BMPR1B: variants seen among roughly 807,000 people sequenced by gnomAD.
The protein encoded by BMPR1B is bone morphogenetic protein receptor type-1B.
Under a neutral mutation model 59.1 loss-of-function variants are expected in BMPR1B, and 12 were observed. The observed-to-expected ratio is 0.20, with a 90% CI of 0.13 to 0.33. BMPR1B has a LOEUF of 0.33. Ranked by LOEUF, BMPR1B falls within the 10% of genes least tolerant of loss-of-function variation. BMPR1B has a pLI of 1.00. For synonymous variants in BMPR1B, 237 were observed against 207.3 expected (o/e 1.14, Z -1.23); for missense variants, 550 against 610.9 (o/e 0.90, Z 1.05).
chr4:95,120,123 A>C (rs1732365985), intron 6 of BMPR1B, among the ~76,000 whole-genome samples: 1 of 152,118 alleles, frequency 6.6e-6, no homozygotes, highest in African/African-American at 2.4e-5. Context: ...TACAGTATTT[A>C]GTTTTCTGTT....
intron 1 of BMPR1B, among the ~76,000 whole-genome samples, chr4:94,817,664 A>G (rs372834131): frequency 7.4e-4 from 113 of 152,220 alleles, no homozygotes; most frequent in African/African-American, 2.6e-3. Flanking sequence ...GTTGCTAAGT[A>G]TATTTAAAAC....
intron 1 of BMPR1B, among the ~76,000 whole-genome samples, chr4:94,860,389 A>G (rs1484154132): frequency 6.6e-6 from 1 of 152,186 alleles, no homozygotes; most frequent in African/African-American, 2.4e-5. Flanking sequence ...AGAATCATGT[A>G]TACGTAATCT....
intron 1 of BMPR1B, among the ~76,000 whole-genome samples, chr4:94,813,105 G>A (rs910185541): frequency 2.0e-5 from 3 of 151,590 alleles, no homozygotes; most frequent in Non-Finnish European, 4.4e-5. Flanking sequence ...ACCTATGTAT[G>A]CTCAGAAATG....
chr4:94,908,093 A>AAAAG (rs141218243), intron 2 of BMPR1B, among the ~76,000 whole-genome samples: 16,922 of 114,508 alleles, frequency 0.15, 977 homozygotes, highest in African/African-American at 0.28. Flanking sequence ...AAAAAAAAGA[A>AAAAG]AAAACAAAAA....
chr4:95,148,999 G>A, intron 11 of BMPR1B, 76 bp downstream of exon 11: 1 of 1,549,472 alleles, frequency 6.5e-7, no homozygotes, highest in East Asian at 2.2e-5. Context: ...AGAAATCAAA[G>A]TTATCATACT....
At chr4:94,956,529 C>A (rs7673752) in intron 2 of BMPR1B, among the ~76,000 whole-genome samples, 70,423 of 151,842 alleles carry the variant, frequency 0.46, 16,788 homozygotes, top group South Asian at 0.6. Flanking sequence ...ATGATGAAAA[C>A]TAACTGGTAA....
At chr4:95,061,160 AACACACACACACAC>A (rs58119571) in intron 3 of BMPR1B, among the ~76,000 whole-genome samples, 2,320 of 142,652 alleles carry the variant, frequency 0.016, 58 homozygotes, top group African/African-American at 0.054. Context: ...ATTTAGAATA[AACACACACACACAC>A]ACACACACAC....
chr4:95,093,601 G>GA (rs1553936129), intron 3 of BMPR1B, among the ~76,000 whole-genome samples: 1 of 151,726 alleles, frequency 6.6e-6, no homozygotes, highest in Non-Finnish European at 1.5e-5. Flanking sequence ...CTCTTCTTAT[G>GA]TTTTTTTATG....
chr4:94,945,361 T>C (rs541140705), intron 2 of BMPR1B, among the ~76,000 whole-genome samples: 11 of 152,328 alleles, frequency 7.2e-5, no homozygotes, highest in African/African-American at 2.6e-4. Context: ...AATAATCTAA[T>C]ATGATGATGG....
chr4:95,087,607 T>C (rs1729681790), intron 3 of BMPR1B, among the ~76,000 whole-genome samples: 1 of 152,100 alleles, frequency 6.6e-6, no homozygotes, highest in South Asian at 2.1e-4. Context: ...GGTGCATGCC[T>C]GTGGTCCCAG....
chr4:94,809,499 A>G (rs1388226438), intron 1 of BMPR1B, among the ~76,000 whole-genome samples: 3 of 152,196 alleles, frequency 2.0e-5, no homozygotes, highest in South Asian at 2.1e-4. Context: ...TCACTTTCAG[A>G]TATCTGAGGA....
At chr4:95,083,381 ATAATC>A (rs1276763951) in intron 3 of BMPR1B, among the ~76,000 whole-genome samples, 1 of 152,174 alleles carries the variant, frequency 6.6e-6, no homozygotes, top group Non-Finnish European at 1.5e-5. Context: ...GTAAATAACT[ATAATC>A]TATGGCTACA....
At chr4:94,815,317 T>G (rs1452320902) in intron 1 of BMPR1B, among the ~76,000 whole-genome samples, 1 of 152,206 alleles carries the variant, frequency 6.6e-6, no homozygotes, top group African/African-American at 2.4e-5. Context: ...TAACCAAAAT[T>G]TTTTGGTCAT....
intron 3 of BMPR1B, among the ~76,000 whole-genome samples, chr4:95,100,808 G>A (rs1325615358): frequency 6.6e-6 from 1 of 152,016 alleles, no homozygotes; most frequent in Non-Finnish European, 1.5e-5. Flanking sequence ...TATTTTTAAA[G>A]TTCTTTACTT....
chr4:95,045,798 G>A (rs1220241837), intron 3 of BMPR1B, among the ~76,000 whole-genome samples: 1 of 152,132 alleles, frequency 6.6e-6, no homozygotes, highest in Non-Finnish European at 1.5e-5. Flanking sequence ...CTGAAGGCAA[G>A]TGCTGTCTCT....
intron 2 of BMPR1B, among the ~76,000 whole-genome samples, chr4:94,941,538 A>T (rs1729513480): frequency 6.6e-6 from 1 of 152,222 alleles, no homozygotes; most frequent in South Asian, 2.1e-4. Context: ...TAGATTTTTA[A>T]AATTTTTATT....
chr4:94,888,162 C>T (rs1727254545), intron 2 of BMPR1B, among the ~76,000 whole-genome samples: 2 of 151,950 alleles, frequency 1.3e-5, no homozygotes, highest in Admixed American at 1.3e-4. Context: ...TTTCAATTTA[C>T]AAGGCTTTAG....
At chr4:94,924,237 T>C (rs986976077) in intron 2 of BMPR1B, among the ~76,000 whole-genome samples, 2 of 152,180 alleles carry the variant, frequency 1.3e-5, no homozygotes, top group African/African-American at 4.8e-5. Flanking sequence ...TTTTATTGTT[T>C]ATGTGATTTT....
At chr4:94,979,970 T>A (rs1731172316) in intron 2 of BMPR1B, among the ~76,000 whole-genome samples, 1 of 152,188 alleles carries the variant, frequency 6.6e-6, no homozygotes, top group Non-Finnish European at 1.5e-5. Context: ...GGGTACCAGG[T>A]ATGCAGCAAC....
Sources: gnomAD v4.1 joint callset for allele counts (sites outside exome capture counted in the v4.1 genomes callset) on GRCh38, gnomAD v4.1.1 for gene constraint, MANE v1.5 for transcripts, NCBI Gene and HGNC (gene_info 2026-07-23, HGNC 2026-07-21) for gene names.